Variants in TYW1B observed in about 807,000 individuals in gnomAD.
The protein encoded by TYW1B is tRNA-yW synthesizing protein 1 homolog B.
TYW1B carries 73 observed loss-of-function variants against 86.9 expected under a neutral mutation model. The observed-to-expected ratio is 0.84, with a 90% confidence interval of 0.70 to 1.02. The LOEUF (loss-of-function observed/expected upper bound fraction) is 1.02, where lower values mean the gene tolerates loss of function less well. Among genes scored for constraint, TYW1B ranks in the 50% least tolerant of loss-of-function variants. The pLI is 0.00. For synonymous variants in TYW1B, 248 were observed against 292.8 expected (o/e 0.85, Z 1.56); for missense variants, 637 against 827.4 (o/e 0.77, Z 2.82).
At chr7:72,653,020 G>C (rs1238577988) in intron 11 of TYW1B, among the ~76,000 whole-genome samples, 3 of 152,068 alleles carry the variant, frequency 2.0e-5, no homozygotes, top group African/African-American at 2.4e-5. Flanking sequence ...ATTTAAACTT[G>C]AGGTAATATA....
rs1455685322 is a variant in TYW1B at position 72,607,097 on chromosome 7, G to A, written c.1785+9575C>T. Reference sequence around the variant, plus strand: ...TGTGCTTCAATGGGCTATTAAAAACGGACACAATAAATAGAAAGTTGGCTG... The same window carrying A: ...TGTGCTTCAATGGGCTATTAAAAACAGACACAATAAATAGAAAGTTGGCTG... On this transcript the variant is annotated intron_variant, in intron 13 of 13. Transcript: ENST00000620995. 3.9e-5 allele frequency among the ~76,000 whole-genome samples: 6 copies of A among 152,194 alleles called. No individual in the cohort carries two copies. In the South Asian group the frequency reaches 1.0e-3, roughly 26 times the overall value.
At chr7:72,662,735 A>T (rs1166809889) in intron 11 of TYW1B, among the ~76,000 whole-genome samples, 1 of 152,154 alleles carries the variant, frequency 6.6e-6, no homozygotes, top group Non-Finnish European at 1.5e-5. Context: ...AATTTTTTTT[A>T]TTCCTATGAA....
At chr7:72,671,389 G>C (rs1813597617) in intron 11 of TYW1B, among the ~76,000 whole-genome samples, 1 of 152,154 alleles carries the variant, frequency 6.6e-6, no homozygotes, top group Non-Finnish European at 1.5e-5. Flanking sequence ...CTGACTGATG[G>C]ATAGTTTGCT....
chr7:72,595,754 C>G lies in TYW1B; in HGVS notation c.1786-20035G>C, dbSNP rs544389254. Among the ~76,000 whole-genome samples the G allele has an allele frequency of 3.3e-5, 5 of 152,010 alleles. No individual in the cohort carries two copies. The East Asian group carries it at 9.6e-4, about 29-fold the overall frequency. ...TAGCATCAAAAATAATAAAATACTT[C>G]AAATTAAATTTAACCAAAGAGATGG... On this transcript the variant is annotated intron_variant, in intron 13 of 13. Transcript: ENST00000620995.
chr7:72,590,065 G>T (rs1424605469), intron 13 of TYW1B, among the ~76,000 whole-genome samples: 1 of 152,196 alleles, frequency 6.6e-6, no homozygotes, highest in South Asian at 2.1e-4. Context: ...GGAGTAGAAA[G>T]CACGAGGAAT....
intron 6 of TYW1B, among the ~76,000 whole-genome samples, chr7:72,802,127 A>G (rs1295818450): frequency 2.6e-5 from 4 of 151,990 alleles, no homozygotes; most frequent in Non-Finnish European, 5.9e-5. Context: ...GGCCCACGAA[A>G]GCCAAAAGAT....
intron 2 of TYW1B, chr7:72,823,057 G>C (rs1211010189): frequency 6.6e-6 from 1 of 151,630 alleles, no homozygotes; most frequent in African/African-American, 2.4e-5. Flanking sequence ...ACCCAGGCTG[G>C]AGTGCAGTGG....
At chr7:72,681,142 T>C (rs2129569948) in intron 11 of TYW1B, among the ~76,000 whole-genome samples, 1 of 152,306 alleles carries the variant, frequency 6.6e-6, no homozygotes, top group East Asian at 1.9e-4. Flanking sequence ...CAAACCTTGG[T>C]AGCCTTGTTT....
At chr7:72,585,669 G>A (rs1258851627) in intron 13 of TYW1B, among the ~76,000 whole-genome samples, 7 of 152,122 alleles carry the variant, frequency 4.6e-5, no homozygotes, top group Non-Finnish European at 8.8e-5. Flanking sequence ...ATGGTTTTAC[G>A]AAGGGGGGTT....
Position 72,828,127 on chromosome 7 carries a change from G to A in TYW1B, c.-52C>T, listed in dbSNP as rs1295894370. 11 of 1,611,404 alleles carry A rather than the reference G, an allele frequency of 6.8e-6. No homozygotes were observed. Among genetic ancestry groups the A allele is most frequent in the East Asian group, 2.2e-5 (1 of 44,814 alleles). On this transcript the variant is annotated 5_prime_UTR_variant, in exon 1 of 14. Transcript: ENST00000620995. ...GATCTCGGACCTGGAGAGCCCAAAG[G>A]TTCGCACTGGTACTGCGAGACGCAC...
rs1410876816 is a variant in TYW1B, at chr7:72,745,849, GGGGTGTGTGT to G, written c.965-1258_965-1249del. ...AATGAGTAGCCTTTACACGTGTATA[GGGGTGTGTGT>G]GTGTGTGTGTGTGTGTGTGTGTGTG... On this transcript the variant is annotated intron_variant, in intron 7 of 13. Transcript: ENST00000620995. Among the ~76,000 whole-genome samples, 1,011 of 130,114 alleles carry G rather than the reference GGGGTGTGTGT, an allele frequency of 7.8e-3. 4 individuals are homozygous for G. The highest frequency in any genetic ancestry group is 0.011 in the Middle Eastern group (3 of 272). 85.4% of individuals were successfully genotyped at this position (130,114 alleles called of 152,430 possible). A position where few individuals can be genotyped will look rare whatever the true frequency, so the allele number is the denominator to read the frequency against.
intron 6 of TYW1B, among the ~76,000 whole-genome samples, chr7:72,800,449 A>G (rs1459495520): frequency 6.6e-6 from 1 of 151,872 alleles, no homozygotes; most frequent in Non-Finnish European, 1.5e-5. Flanking sequence ...TCCTCCCATC[A>G]CGTCAGCCTC....
At chr7:72,734,404 A>G (rs1326935887) in intron 8 of TYW1B, among the ~76,000 whole-genome samples, 1 of 152,194 alleles carries the variant, frequency 6.6e-6, no homozygotes, top group Non-Finnish European at 1.5e-5. Flanking sequence ...AATTTTCGAC[A>G]AAGGTGCCAA....
At chr7:72,615,924 G>C (rs1299306080) in intron 13 of TYW1B, among the ~76,000 whole-genome samples, 4 of 151,578 alleles carry the variant, frequency 2.6e-5, no homozygotes, top group Non-Finnish European at 4.4e-5. Flanking sequence ...AGAGACAAAA[G>C]CACAAAAAAT....
chr7:72,593,958 T>A, intron 13 of TYW1B, among the ~76,000 whole-genome samples: 1 of 148,112 alleles, frequency 6.8e-6, no homozygotes, highest in Middle Eastern at 3.6e-3. Context: ...AATTAGAAAA[T>A]GCTTACAGAC....
At position 72,575,173 on chromosome 7, in the gene TYW1B, T is replaced by C. The variant is rs1810991951; in HGVS notation, c.*325A>G. On this transcript the variant is annotated 3_prime_UTR_variant, in exon 14 of 14. Transcript: ENST00000620995. The stretch of plus-strand genomic sequence containing the variant: ...CTTCCTTGTCTGACACTCTCAGGAC[T>C]AGCATTCTGGCAGGTCTTAGAAGTT... 1 of 1,118,818 alleles carries C rather than the reference T, an allele frequency of 8.9e-7. No individual in the cohort carries two copies. Among genetic ancestry groups the C allele is most frequent in the South Asian group, 2.9e-5 (1 of 34,778 alleles). 69.3% of individuals were successfully genotyped at this position (1,118,818 alleles called of 1,614,324 possible). A position where few individuals can be genotyped will look rare whatever the true frequency, so the allele number is the denominator to read the frequency against.
intron 1 of TYW1B, 138 bp downstream of exon 1, chr7:72,827,934 C>G: frequency 9.3e-6 from 14 of 1,502,904 alleles, no homozygotes; most frequent in Non-Finnish European, 1.3e-5. Flanking sequence ...TTGCTCTCAG[C>G]GGCGGCTAGC....
intron 9 of TYW1B, among the ~76,000 whole-genome samples, chr7:72,716,550 T>A (rs182394463): frequency 6.6e-6 from 1 of 152,210 alleles, no homozygotes; most frequent in Admixed American, 6.5e-5. Context: ...CAGACCCTGA[T>A]TGACTTCAGT....
intron 11 of TYW1B, among the ~76,000 whole-genome samples, chr7:72,666,870 A>G (rs1226977130): frequency 5.9e-5 from 9 of 151,668 alleles, no homozygotes; most frequent in African/African-American, 1.9e-4. Context: ...TCTCTACTAA[A>G]AATACAAAAA....
Sources: allele counts gnomAD v4.1 joint callset (sites outside exome capture counted in the v4.1 genomes callset), GRCh38; gene constraint gnomAD v4.1.1; transcripts MANE v1.5; gene names NCBI Gene and HGNC (gene_info 2026-07-23, HGNC 2026-07-21).